Variants in ANAPC10 observed in about 807,000 individuals in gnomAD.
ANAPC10 encodes the protein anaphase promoting complex subunit 10.
A neutral mutation model predicts 22.0 loss-of-function variants in ANAPC10; 12 were observed. The ratio of observed to expected loss-of-function variants is 0.55; its 90% CI spans 0.35 to 0.88. ANAPC10 has a LOEUF of 0.88. ANAPC10 is among the 40% of genes least tolerant of loss of function. The pLI, the probability that ANAPC10 is intolerant of heterozygous loss-of-function variation, is 0.01. For missense variants in ANAPC10, 188 were observed against 220.9 expected (o/e 0.85, Z 0.94); for synonymous variants, 65 against 69.5 (o/e 0.94, Z 0.32).
chr4:145,017,877 C>A (rs1471877942), intron 4 of ANAPC10, among the ~76,000 whole-genome samples: 10 of 148,552 alleles, frequency 6.7e-5, no homozygotes, highest in Non-Finnish European at 1.2e-4. Flanking sequence ...GATAAAAAAC[C>A]AAACACCGTG....
At chr4:145,054,045 A>C (rs1741533661) in intron 4 of ANAPC10, among the ~76,000 whole-genome samples, 1 of 151,670 alleles carries the variant, frequency 6.6e-6, no homozygotes, top group South Asian at 2.1e-4. Context: ...AGTAGCTGAG[A>C]TTACAGGCAC....
chr4:145,048,713 A>G (rs981856939), intron 4 of ANAPC10, among the ~76,000 whole-genome samples: 5 of 152,144 alleles, frequency 3.3e-5, no homozygotes, highest in African/African-American at 9.7e-5. Flanking sequence ...CAAAATTGCT[A>G]AAGAACATGT....
chr4:145,028,350 G>A (rs1350678994), intron 4 of ANAPC10, among the ~76,000 whole-genome samples: 5 of 152,092 alleles, frequency 3.3e-5, no homozygotes, highest in African/African-American at 7.2e-5. Context: ...TCCTGCCTTC[G>A]AACATAGGAC....
At position 145,092,874 on chromosome 4, in the gene ANAPC10, A is replaced by G. The variant is rs111887709; in HGVS notation, c.115+3111T>C. ...ATCCTTGCTGAAAGATGAGTAAAAG[A>G]AAAAACTCTCTATACCTGAGAGAGG... On this transcript the variant is annotated intron_variant, in intron 2 of 4. Transcript: ENST00000507656. 5.6e-4 allele frequency among the ~76,000 whole-genome samples: 85 copies of G among 152,334 alleles called. 2 individuals are homozygous for G. Among genetic ancestry groups the G allele is most frequent in the African/African-American group, 1.8e-3 (75 of 41,560 alleles).
At chr4:145,051,867 G>C (rs1741150552) in intron 4 of ANAPC10, among the ~76,000 whole-genome samples, 1 of 152,072 alleles carries the variant, frequency 6.6e-6, no homozygotes, top group Non-Finnish European at 1.5e-5. Flanking sequence ...TTAGTCTAAG[G>C]ACACTATCTA....
rs1364929043 is a variant in ANAPC10, at chr4:144,994,814, CAATT to C, written c.*555_*558del. ...GTATTCCGTGAAGGTGAATATGAGA[CAATT>C]AATTATACTCCCCATATTAGATTGG... On this transcript the variant is annotated 3_prime_UTR_variant, in exon 5 of 5. Transcript: ENST00000507656. The C allele has an allele frequency of 6.6e-6, 1 of 152,154 alleles. No individual in the cohort carries two copies. The highest frequency in any genetic ancestry group is 2.4e-5 in the African/African-American group (1 of 41,410). 9.4% of individuals were successfully genotyped at this position (152,154 alleles called of 1,614,324 possible). A position where few individuals can be genotyped will look rare whatever the true frequency, so the allele number is the denominator to read the frequency against.
At chr4:145,044,614 G>A (rs1028342419) in intron 4 of ANAPC10, among the ~76,000 whole-genome samples, 1 of 152,064 alleles carries the variant, frequency 6.6e-6, no homozygotes, top group Non-Finnish European at 1.5e-5. Context: ...TTATTTGTAA[G>A]TGTTTCTATT....
intron 3 of ANAPC10, among the ~76,000 whole-genome samples, chr4:145,067,458 C>A (rs770130790): frequency 2.5e-4 from 38 of 152,070 alleles, no homozygotes; most frequent in Non-Finnish European, 5.1e-4. Flanking sequence ...ACGCTTTCTC[C>A]TGAGAAAGAG....
At chr4:145,092,472 T>C (rs182468340) in intron 2 of ANAPC10, among the ~76,000 whole-genome samples, 166 of 152,202 alleles carry the variant, frequency 1.1e-3, no homozygotes, top group Admixed American at 2.6e-3. Context: ...CCAACTGTAG[T>C]AGAGCATAGG....
In ANAPC10 at chr4:145,039,529, A is replaced by G. The variant is rs36121401; in HGVS notation, c.327+25043T>C. On this transcript the variant is annotated intron_variant, in intron 4 of 4. Coordinates refer to ENST00000507656, the MANE Select transcript of ANAPC10 (RefSeq NM_001256706.2). Reference sequence around the variant, plus strand: ...ATTTTGGAAGCACTTTTTCTTTGGCAAGCACAGTTGTAAGAACTATAGATG... The same window carrying G: ...ATTTTGGAAGCACTTTTTCTTTGGCGAGCACAGTTGTAAGAACTATAGATG... Among the ~76,000 whole-genome samples the G allele has an allele frequency of 1.8e-3, 274 of 152,298 alleles. 3 individuals carry two copies. The highest frequency in any genetic ancestry group is 9.9e-3 in the South Asian group (48 of 4,828).
At chr4:145,003,342 A>T (rs987527209) in intron 4 of ANAPC10, among the ~76,000 whole-genome samples, 2 of 152,180 alleles carry the variant, frequency 1.3e-5, no homozygotes, top group African/African-American at 2.4e-5. Context: ...ATGAACATAC[A>T]TGTGCATATG....
intron 2 of ANAPC10, among the ~76,000 whole-genome samples, chr4:145,090,873 C>CT (rs1049153338): frequency 6.6e-6 from 1 of 152,156 alleles, no homozygotes; most frequent in African/African-American, 2.4e-5. Context: ...AAGATTGTGT[C>CT]TTTTTTGTCT....
chr4:145,027,612 T>C (rs1344722933), intron 4 of ANAPC10, among the ~76,000 whole-genome samples: 6 of 152,162 alleles, frequency 3.9e-5, no homozygotes, highest in Non-Finnish European at 8.8e-5. Context: ...TTATAAAAGC[T>C]ACTTGAGAGA....
rs767143852 is a variant in ANAPC10, at chr4:145,064,703, T to A, written c.207-11A>T. ...ACTGTTGTTTTTCTTCTAAAAGCAA[T>A]AAAGTAAAAATAACATGCACTTCAT... On this transcript the variant is annotated splice_polypyrimidine_tract_variant and intron_variant, in intron 3 of 4. Transcript: ENST00000507656. 1.3e-6 allele frequency: 2 copies of A among 1,494,040 alleles called. No homozygotes were observed. The highest frequency in any genetic ancestry group is 2.9e-5 in the South Asian group (2 of 67,928). The allele number at this position is 1,494,040 out of a possible 1,614,324, so 92.5% of individuals were successfully genotyped here.
intron 4 of ANAPC10, among the ~76,000 whole-genome samples, chr4:145,051,816 A>G (rs933989509): frequency 6.6e-6 from 1 of 152,198 alleles, no homozygotes; most frequent in African/African-American, 2.4e-5. Flanking sequence ...AGGAGCCAAC[A>G]GGACTTTGAA....
At chr4:145,090,114 T>C (rs903935907) in intron 2 of ANAPC10, among the ~76,000 whole-genome samples, 4 of 152,206 alleles carry the variant, frequency 2.6e-5, no homozygotes, top group African/African-American at 4.8e-5. Flanking sequence ...TTATCATTTC[T>C]TGGCATCCAA....
intron 4 of ANAPC10, among the ~76,000 whole-genome samples, chr4:145,001,190 A>C (rs552627159): frequency 7.0e-6 from 1 of 142,084 alleles, no homozygotes; most frequent in Non-Finnish European, 1.5e-5. Context: ...TAATAAATGA[A>C]TGAAAGAAAG....
intron 3 of ANAPC10, among the ~76,000 whole-genome samples, chr4:145,067,466 G>C (rs1743877784): frequency 6.6e-6 from 1 of 152,120 alleles, no homozygotes; most frequent in African/African-American, 2.4e-5. Flanking sequence ...TCCTGAGAAA[G>C]AGCTTCTGGC....
intron 2 of ANAPC10, among the ~76,000 whole-genome samples, chr4:145,093,566 T>TAA (rs555328119): frequency 1.4e-5 from 2 of 138,252 alleles, no homozygotes; most frequent in African/African-American, 2.7e-5. Context: ...AGTAAGATGT[T>TAA]AAAAAAAAAA....
Sources: gnomAD v4.1 joint callset for allele counts (sites outside exome capture counted in the v4.1 genomes callset) on GRCh38, gnomAD v4.1.1 for gene constraint, MANE v1.5 for transcripts, NCBI Gene and HGNC (gene_info 2026-07-23, HGNC 2026-07-21) for gene names.